RPS6KA1: variants seen among roughly 807,000 people sequenced by gnomAD.
RPS6KA1 encodes the protein ribosomal protein S6 kinase A1.
Under a neutral mutation model 91.3 loss-of-function variants are expected in RPS6KA1, and 48 were observed. That is an observed-to-expected ratio of 0.53 (90% CI 0.42 to 0.67). RPS6KA1 has a LOEUF of 0.67. RPS6KA1 is among the 30% of genes least tolerant of loss of function. RPS6KA1 has a pLI of 0.00. For synonymous variants in RPS6KA1, 359 were observed against 384.7 expected (o/e 0.93, Z 0.78); for missense variants, 719 against 960.5 (o/e 0.75, Z 3.32).
chr1:26,535,300 T>C (rs1271489471), intron 1 of RPS6KA1, among the ~76,000 whole-genome samples: 1 of 151,548 alleles, frequency 6.6e-6, no homozygotes, highest in Non-Finnish European at 1.5e-5. Flanking sequence ...GGAGTGGCAA[T>C]GGGGAGCTGT....
chr1:26,530,796 G>A, intron 1 of RPS6KA1: 1 of 1,288,746 alleles, frequency 7.8e-7, no homozygotes, highest in Non-Finnish European at 1.0e-6. Flanking sequence ...CCCTAAGCGT[G>A]CAGAAGGCCA....
At chr1:26,553,290 CCCAGGGTGGCTCT>C (rs976646521) in intron 6 of RPS6KA1, 88 bp from the exon 7 acceptor site, 192 of 744,378 alleles carry the variant, frequency 2.6e-4, no homozygotes, top group Middle Eastern at 7.0e-4. Flanking sequence ...CAAGGGTCCT[CCCAGGGTGGCTCT>C]TCAGGACCAG....
intron 14 of RPS6KA1, among the ~76,000 whole-genome samples, chr1:26,559,506 A>G (rs2076135313): frequency 1.3e-5 from 2 of 151,636 alleles, no homozygotes; most frequent in South Asian, 2.1e-4. Flanking sequence ...AGCTGGGACT[A>G]CAGATATACA....
chr1:26,543,037 C>T, intron 2 of RPS6KA1: 2 of 1,036,690 alleles, frequency 1.9e-6, no homozygotes, highest in Non-Finnish European at 2.8e-6. Flanking sequence ...TCTGCCCCTC[C>T]TCCCTGCAGA....
chr1:26,553,796 C>T lies in RPS6KA1; in HGVS notation c.575+299C>T, dbSNP rs2076074881. On this transcript the variant is annotated intron_variant, in intron 7 of 21. Transcript: ENST00000374168. ...CCTTGATAAAGCCCTATAGAATTTT[C>T]CCTAATATCTAACTACCCTCAAATG... 20 of 258,776 alleles carry T rather than the reference C, an allele frequency of 7.7e-5. No homozygotes were observed. In the South Asian group the frequency reaches 1.8e-3, roughly 23 times the overall value. The allele number at this position is 258,776 out of a possible 1,614,324, so 16.0% of individuals were successfully genotyped here. A position where few individuals can be genotyped will look rare whatever the true frequency, so the allele number is the denominator to read the frequency against.
chr1:26,547,391 G>A lies in RPS6KA1; in HGVS notation c.307+121G>A. 1 of 758,212 alleles carries A rather than the reference G, an allele frequency of 1.3e-6. No individual in the cohort carries two copies. The highest frequency in any genetic ancestry group is 1.6e-5 in the South Asian group (1 of 61,056). The allele number at this position is 758,212 out of a possible 1,614,324, so 47.0% of individuals were successfully genotyped here. On this transcript the variant is annotated intron_variant, in intron 4 of 21. Transcript: ENST00000374168. The surrounding 1 kb of genome is among the most constrained non-coding windows in gnomAD (Gnocchi z 4.1). ...GTCTTCAGGAGCACCTAGTTCAAAG[G>A]TGGAGAAACAGGCCTATTTCTCAGC...
At chr1:26,568,857 A>G (rs1163927393) in intron 17 of RPS6KA1, among the ~76,000 whole-genome samples, 1 of 152,086 alleles carries the variant, frequency 6.6e-6, no homozygotes, top group Non-Finnish European at 1.5e-5. Flanking sequence ...TCAGGTCAGA[A>G]CTGGGTTCTG....
rs771555954 is a variant in RPS6KA1, at chr1:26,551,510, C to G, written c.388+33C>G. On this transcript the variant is annotated intron_variant, in intron 5 of 21. Transcript: ENST00000374168. The surrounding 1 kb of genome is among the most constrained non-coding windows in gnomAD (Gnocchi z 4.5). ...TTCTGGCCCTGCCTGAGCTCCTACCCCACCCATCCTTCGCCCTTGCCTGTG... is the reference window on the plus strand; with the variant it reads ...TTCTGGCCCTGCCTGAGCTCCTACCGCACCCATCCTTCGCCCTTGCCTGTG... 131 of 1,609,772 alleles carry G rather than the reference C, an allele frequency of 8.1e-5. No homozygotes were observed. The highest frequency in any genetic ancestry group is 9.9e-5 in the Non-Finnish European group (117 of 1,176,206).
At position 26,551,899 on chromosome 1, in the gene RPS6KA1, G is replaced by A. The variant is rs11581016; in HGVS notation, c.468+176G>A. On this transcript the variant is annotated intron_variant, in intron 6 of 21. Transcript: ENST00000374168. This position sits in a 1 kb window ranked among gnomAD's most constrained non-coding sequence, Gnocchi z 4.5. The stretch of plus-strand genomic sequence containing the variant: ...ACGCACCCTGGAATGGAGGCCATAC[G>A]CTGGCAAGGTCTCTGAGAGTTTCTC... 0.12 allele frequency among the ~76,000 whole-genome samples: 17,940 copies of A among 152,118 alleles called. 1,276 individuals carry two copies. Among genetic ancestry groups the A allele is most frequent in the Non-Finnish European group, 0.16 (10,642 of 67,964 alleles).
Position 26,555,009 on chromosome 1 carries a change from G to C in RPS6KA1, c.757-142G>C. On this transcript the variant is annotated intron_variant, in intron 9 of 21. Transcript: ENST00000374168. The surrounding 1 kb of genome is among the most constrained non-coding windows in gnomAD (Gnocchi z 4.3). ...TGGTCTGGTTGGCAGAGGCAAGAGG[G>C]ACGGGCATAATTCTTGCTCCAGGCT... The C allele has an allele frequency of 1.1e-6, 1 of 905,422 alleles. No homozygotes were observed. Among genetic ancestry groups the C allele is most frequent in the Non-Finnish European group, 1.7e-6 (1 of 587,644 alleles). The allele number at this position is 905,422 out of a possible 1,614,324, so 56.1% of individuals were successfully genotyped here.
chr1:26,543,353 T>A lies in RPS6KA1; in HGVS notation c.109-3514T>A, dbSNP rs918821644. 1.1e-5 allele frequency: 8 copies of A among 711,832 alleles called. No individual in the cohort carries two copies. In the Admixed American group the frequency reaches 1.3e-4, roughly 12 times the overall value. 44.1% of individuals were successfully genotyped at this position (711,832 alleles called of 1,614,324 possible). A position where few individuals can be genotyped will look rare whatever the true frequency, so the allele number is the denominator to read the frequency against. On this transcript the variant is annotated intron_variant, in intron 2 of 21. Transcript: ENST00000374168. ...CTCTGTCCCCAGGGAGTGCTCTCAG[T>A]CAGAGGCAGACAGGTGAGGTGGAGG...
chr1:26,559,953 G>A (rs76954144), intron 14 of RPS6KA1, among the ~76,000 whole-genome samples: 2,565 of 152,264 alleles, frequency 0.017, 75 homozygotes, highest in African/African-American at 0.058. Context: ...TCAGCTGGGC[G>A]TGTTGGCGCG....
At chr1:26,538,163 G>A (rs17162180) in intron 2 of RPS6KA1, among the ~76,000 whole-genome samples, 2,161 of 152,304 alleles carry the variant, frequency 0.014, 61 homozygotes, top group African/African-American at 0.05. Flanking sequence ...TGGCAACCTT[G>A]GACCAGCAGA....
At chr1:26,541,793 G>A (rs1320404976) in intron 2 of RPS6KA1, among the ~76,000 whole-genome samples, 1 of 152,208 alleles carries the variant, frequency 6.6e-6, no homozygotes, top group African/African-American at 2.4e-5. Context: ...GCTGCCAGCT[G>A]GGGAAGGGGC....
intron 1 of RPS6KA1, among the ~76,000 whole-genome samples, chr1:26,532,608 C>G (rs2075876678): frequency 6.6e-6 from 1 of 152,216 alleles, no homozygotes; most frequent in Admixed American, 6.5e-5. Flanking sequence ...ACCTGGCCCC[C>G]AGCCTCCAGC....
intron 1 of RPS6KA1, among the ~76,000 whole-genome samples, chr1:26,531,661 GT>G (rs2075868431): frequency 6.6e-6 from 1 of 152,178 alleles, no homozygotes; most frequent in Non-Finnish European, 1.5e-5. Context: ...CCTGGGATTG[GT>G]GGGGCAGGGG....
intron 1 of RPS6KA1, among the ~76,000 whole-genome samples, chr1:26,535,988 T>TA (rs200734691): frequency 0.011 from 1,642 of 151,212 alleles, 41 homozygotes; most frequent in African/African-American, 0.038. Flanking sequence ...CCGTGTCTAC[T>TA]AAAAAAAATA....
chr1:26,559,026 T>C, intron 14 of RPS6KA1, 89 bp downstream of exon 14: 1 of 1,485,170 alleles, frequency 6.7e-7, no homozygotes, highest in Non-Finnish European at 9.1e-7. Context: ...ACCAGGTTCA[T>C]ACCCTCATGC....
chr1:26,566,234 C>T (rs1473298812), intron 17 of RPS6KA1, among the ~76,000 whole-genome samples: 1 of 148,030 alleles, frequency 6.8e-6, no homozygotes, highest in Non-Finnish European at 1.5e-5. Context: ...TTAATCTCTT[C>T]AATCATTGCC....
Sources: allele counts gnomAD v4.1 joint callset (sites outside exome capture counted in the v4.1 genomes callset), GRCh38; gene constraint gnomAD v4.1.1; non-coding constraint Gnocchi (gnomAD v3.1); transcripts MANE v1.5; gene names NCBI Gene and HGNC (gene_info 2026-07-23, HGNC 2026-07-21).